SPATA17: variants seen among roughly 807,000 people sequenced by gnomAD.
SPATA17 encodes the protein spermatogenesis-associated protein 17.
SPATA17 carries 53 observed loss-of-function variants against 62.2 expected under a neutral mutation model. The ratio of observed to expected loss-of-function variants is 0.85; its 90% confidence interval spans 0.68 to 1.07. SPATA17 has a LOEUF of 1.07. Ranked by LOEUF, SPATA17 falls within the 50% of genes least tolerant of loss-of-function variation. SPATA17 has a pLI of 0.00. For missense variants in SPATA17, 466 were observed against 425.5 expected, an observed-to-expected ratio of 1.10 and a Z score of -0.84; for synonymous variants, 146 against 146.8, an observed-to-expected ratio of 0.99 and a Z score of 0.04.
rs73095377 is a variant in SPATA17, at chr1:217,734,629, T to C, written c.396-7346T>C. On this transcript the variant is annotated intron_variant, in intron 5 of 10. Coordinates refer to ENST00000366933, the MANE Select transcript of SPATA17 (RefSeq NM_138796.4). ...TTAGAATTTTATTTTTTCTTAAAGA[T>C]GGTGCAGATGATGGCATTTTGTTTT... Among the ~76,000 whole-genome samples, 518 of 152,332 alleles carry C rather than the reference T, an allele frequency of 3.4e-3. 3 individuals carry two copies. Among genetic ancestry groups the C allele is most frequent in the African/African-American group, 0.012 (492 of 41,584 alleles).
chr1:217,724,006 A>T (rs1177053901), intron 5 of SPATA17, among the ~76,000 whole-genome samples: 1 of 152,244 alleles, frequency 6.6e-6, no homozygotes, highest in Non-Finnish European at 1.5e-5. Flanking sequence ...TCTAGCTGTT[A>T]TACATTCCTC....
At chr1:217,706,553 G>T (rs1446214671) in intron 5 of SPATA17, among the ~76,000 whole-genome samples, 2 of 152,094 alleles carry the variant, frequency 1.3e-5, no homozygotes, top group African/African-American at 4.8e-5. Flanking sequence ...TCTTGCTCTT[G>T]CCTGCTGCCA....
rs35685865 is a variant in SPATA17, at chr1:217,767,931, C to CT, written c.520-6397dup. 2.2e-3 allele frequency among the ~76,000 whole-genome samples: 335 copies of CT among 152,238 alleles called. 2 individuals carry two copies. The highest frequency in any genetic ancestry group is 7.5e-3 in the African/African-American group (310 of 41,532). ...ACACACTAGTATGGCTTGCTTCAGG[C>CT]TTTTTTCTGAATTTACCTTTTAAAG... On this transcript the variant is annotated intron_variant, in intron 6 of 10. Coordinates refer to ENST00000366933, the MANE Select transcript of SPATA17 (RefSeq NM_138796.4).
At chr1:217,728,024 A>G (rs184004822) in intron 5 of SPATA17, among the ~76,000 whole-genome samples, 1 of 152,334 alleles carries the variant, frequency 6.6e-6, no homozygotes, top group East Asian at 1.9e-4. Context: ...GTACCAAATC[A>G]TTTACAAAGT....
At chr1:217,828,101 A>G (rs1675043974) in intron 9 of SPATA17, among the ~76,000 whole-genome samples, 1 of 152,158 alleles carries the variant, frequency 6.6e-6, no homozygotes, top group South Asian at 2.1e-4. Flanking sequence ...GTATGGAACC[A>G]CAAAAGAAAC....
rs1184950437 is a variant in SPATA17 at position 217,871,254 on chromosome 1, T to G, written c.*4235T>G. 1.3e-5 allele frequency: 2 copies of G among 152,202 alleles called. No homozygotes were observed. The highest frequency in any genetic ancestry group is 4.8e-5 in the African/African-American group (2 of 41,460). 9.4% of individuals were successfully genotyped at this position (152,202 alleles called of 1,614,324 possible). A position where few individuals can be genotyped will look rare whatever the true frequency, so the allele number is the denominator to read the frequency against. ...GTCAACTCAAGATTGTATTCTCATC[T>G]GGGGACATTATGAATCTTGTTATTT... On this transcript the variant is annotated 3_prime_UTR_variant, in exon 11 of 11. Transcript: ENST00000366933.
At chr1:217,848,202 A>G (rs1675570299) in intron 9 of SPATA17, among the ~76,000 whole-genome samples, 1 of 151,506 alleles carries the variant, frequency 6.6e-6, no homozygotes, top group South Asian at 2.1e-4. Context: ...AAAGATTTGT[A>G]ATGAAAAGTG....
intron 8 of SPATA17, among the ~76,000 whole-genome samples, chr1:217,794,286 A>G (rs939415081): frequency 2.6e-5 from 4 of 152,182 alleles, no homozygotes; most frequent in Non-Finnish European, 5.9e-5. Flanking sequence ...TAAGCCCTCT[A>G]TATACTGTAG....
At chr1:217,675,295 C>A (rs1424819642) in intron 4 of SPATA17, among the ~76,000 whole-genome samples, 2 of 152,152 alleles carry the variant, frequency 1.3e-5, no homozygotes, top group Admixed American at 6.6e-5. Flanking sequence ...CAGCTGAATG[C>A]CCTGCAATTC....
chr1:217,867,274 A>C lies in SPATA17; in HGVS notation c.*255A>C, dbSNP rs1676034324. The C allele has an allele frequency of 6.6e-6, 1 of 152,176 alleles. No homozygotes were observed. Among genetic ancestry groups the C allele is most frequent in the Non-Finnish European group, 1.5e-5 (1 of 68,042 alleles). 9.4% of individuals were successfully genotyped at this position (152,176 alleles called of 1,614,324 possible). A position where few individuals can be genotyped will look rare whatever the true frequency, so the allele number is the denominator to read the frequency against. ...GTCACAATCACAGCCCCTGGTGACC[A>C]ACAGTGCCATAAATGGTTCCCCTGA... On this transcript the variant is annotated 3_prime_UTR_variant, in exon 11 of 11. Coordinates refer to ENST00000366933, the MANE Select transcript of SPATA17 (RefSeq NM_138796.4).
intron 9 of SPATA17, among the ~76,000 whole-genome samples, chr1:217,816,890 T>C (rs1035194827): frequency 8.5e-5 from 13 of 152,094 alleles, no homozygotes; most frequent in Non-Finnish European, 1.6e-4. Context: ...CTCAGCATGA[T>C]GCTAAAATTG....
At chr1:217,754,213 C>A (rs1433138042) in intron 6 of SPATA17, among the ~76,000 whole-genome samples, 1 of 151,954 alleles carries the variant, frequency 6.6e-6, no homozygotes, top group African/African-American at 2.4e-5. Context: ...CCAGCCTGGG[C>A]AACAAAGCAA....
chr1:217,842,790 T>C (rs1193683231), intron 9 of SPATA17, among the ~76,000 whole-genome samples: 1 of 152,020 alleles, frequency 6.6e-6, no homozygotes, highest in African/African-American at 2.4e-5. Context: ...CTTCAATTTT[T>C]GGGGTTTAAT....
At chr1:217,706,497 A>G (rs756940860) in intron 5 of SPATA17, among the ~76,000 whole-genome samples, 7 of 152,122 alleles carry the variant, frequency 4.6e-5, no homozygotes, top group African/African-American at 1.7e-4. Context: ...TTCTCACAAG[A>G]CCTGATGGTT....
chr1:217,720,622 G>A (rs1287536633), intron 5 of SPATA17, among the ~76,000 whole-genome samples: 1 of 151,992 alleles, frequency 6.6e-6, no homozygotes, highest in African/African-American at 2.4e-5. Flanking sequence ...GTAAGGCCTT[G>A]TCTCTAAATA....
chr1:217,800,287 T>C (rs1571813731), intron 8 of SPATA17, among the ~76,000 whole-genome samples: 2 of 152,136 alleles, frequency 1.3e-5, no homozygotes, highest in East Asian at 1.9e-4. Flanking sequence ...AAATTGTTGA[T>C]ATTTGAACTC....
chr1:217,793,288 T>A (rs11117937), intron 8 of SPATA17, among the ~76,000 whole-genome samples: 38,247 of 144,810 alleles, frequency 0.26, 5,337 homozygotes, highest in East Asian at 0.51. Context: ...TGGCACGATC[T>A]CGGCTCACTG....
chr1:217,788,464 A>G (rs1173906341), intron 8 of SPATA17, among the ~76,000 whole-genome samples: 2 of 152,114 alleles, frequency 1.3e-5, no homozygotes, highest in Admixed American at 6.6e-5. Flanking sequence ...TGCAGATTTG[A>G]TTAAATTAGG....
chr1:217,870,859 T>A lies in SPATA17; in HGVS notation c.*3840T>A, dbSNP rs1347229841. ...GGCAAATATTGTCTTTCTTGATAAATGCCCTGGACCCAACATCTAACAGAA... is the reference window on the plus strand; with the variant it reads ...GGCAAATATTGTCTTTCTTGATAAAAGCCCTGGACCCAACATCTAACAGAA... On this transcript the variant is annotated 3_prime_UTR_variant, in exon 11 of 11. Coordinates refer to ENST00000366933, the MANE Select transcript of SPATA17 (RefSeq NM_138796.4). 6.6e-6 allele frequency: 1 copy of A among 152,186 alleles called. No homozygotes were observed. Among genetic ancestry groups the A allele is most frequent in the South Asian group, 2.1e-4 (1 of 4,832 alleles). The allele number at this position is 152,186 out of a possible 1,614,324, so 9.4% of individuals were successfully genotyped here.
Sources: gnomAD v4.1 joint callset for allele counts (sites outside exome capture counted in the v4.1 genomes callset) on GRCh38, gnomAD v4.1.1 for gene constraint, MANE v1.5 for transcripts, NCBI Gene and HGNC (gene_info 2026-07-23, HGNC 2026-07-21) for gene names.